TCEA2: variants seen among roughly 807,000 people sequenced by gnomAD.
The protein encoded by TCEA2 is transcription elongation factor A2, also known as transcription elongation factor A protein 2.
A neutral mutation model predicts 40.8 loss-of-function variants in TCEA2; 21 were observed. The ratio of observed to expected loss-of-function variants is 0.51; its 90% CI spans 0.36 to 0.74. TCEA2 has a LOEUF of 0.74. TCEA2 is among the 30% of genes least tolerant of loss of function. The probability of loss-of-function intolerance (pLI) is 0.00; values close to 1 mark genes in which losing one functional copy is unlikely to be tolerated. For synonymous variants in TCEA2, 165 were observed against 162.7 expected (o/e 1.01, Z -0.11); for missense variants, 326 against 426.5 (o/e 0.76, Z 2.08).
chr20:64,066,322 G>C (rs926523544), intron 1 of TCEA2, 154 bp from the exon 2 acceptor site: 8 of 801,312 alleles, frequency 1.0e-5, no homozygotes, highest in Non-Finnish European at 1.0e-5. Context: ...CAGAGCCCTG[G>C]GTGTCTCCAG....
Position 64,071,934 on chromosome 20 carries a change from G to C in TCEA2, c.884G>C (p.Arg295Pro). 1 of 1,614,132 alleles carries C rather than the reference G, an allele frequency of 6.2e-7. No individual in the cohort carries two copies. Among genetic ancestry groups the C allele is most frequent in the Non-Finnish European group, 8.5e-7 (1 of 1,180,034 alleles). The change falls in exon 9 of 10, where the codon CGC (arginine) becomes CCC (proline). Residue 295 changes from arginine to proline, a missense_variant. By Grantham distance (103) the Arg-to-Pro change is moderately radical (BLOSUM62 -2). Transcript: ENST00000343484. ...TFVVCNECGN[R>P]WKFC is the part of the protein sequence containing the mutation. ...GTTGTCTGCAACGAGTGTGGAAACC[G>C]CTGGAAGGTGGGTGAGCAGGCTCAG...
intron 1 of TCEA2, 111 bp downstream of exon 1, chr20:64,063,495 C>G (rs2059615610): frequency 2.4e-6 from 3 of 1,263,824 alleles, no homozygotes; most frequent in African/African-American, 3.0e-5. Flanking sequence ...GGACGAGACC[C>G]CTCCCCGGCA....
chr20:64,071,799 C>T (rs2059844347), intron 8 of TCEA2, 71 bp from the exon 9 acceptor site: 3 of 1,575,228 alleles, frequency 1.9e-6, no homozygotes, highest in East Asian at 2.3e-5. Flanking sequence ...GCCCGCACTG[C>T]CCATGTTGAG....
exon 1 of TCEA2, chr20:64,057,440 G>C (rs962227539): frequency 1.3e-5 from 2 of 152,304 alleles, no homozygotes; most frequent in African/African-American, 2.4e-5. Context: ...GCGTGTGTGC[G>C]TGTGCATGTG....
At chr20:64,063,070 G>T, upstream of TCEA2, 2 of 262,834 alleles carry the variant, frequency 7.6e-6, no homozygotes, top group Non-Finnish European at 1.4e-5. Flanking sequence ...TGCGCGCCGC[G>T]TGGCGCCTGG....
chr20:64,063,866 CCT>C (rs2059625964), intron 1 of TCEA2: 1 of 160,816 alleles, frequency 6.2e-6, no homozygotes, highest in Non-Finnish European at 1.4e-5. Context: ...CCAACTCAGC[CCT>C]CTCCCACGCT....
chr20:64,063,254 G>C lies in TCEA2; in HGVS notation c.-59G>C. On this transcript the variant is annotated 5_prime_UTR_variant, in exon 1 of 10. Transcript: ENST00000343484. ...GGGAGGTGGCGACGGCCGGGGCCGG[G>C]GTCCTGCCCGGCTGCGGAGGCGGGC... The C allele has an allele frequency of 1.4e-6, 2 of 1,446,862 alleles. No individual in the cohort carries two copies. The highest frequency in any genetic ancestry group is 1.8e-6 in the Non-Finnish European group (2 of 1,096,970). 89.6% of individuals were successfully genotyped at this position (1,446,862 alleles called of 1,614,324 possible). A position where few individuals can be genotyped will look rare whatever the true frequency, so the allele number is the denominator to read the frequency against.
chr20:64,061,507 C>T (rs1457695092), upstream of TCEA2, among the ~76,000 whole-genome samples: 1 of 151,988 alleles, frequency 6.6e-6, no homozygotes, highest in Non-Finnish European at 1.5e-5. Context: ...GATCTCCTGA[C>T]CTCGTGATCC....
upstream of TCEA2, among the ~76,000 whole-genome samples, chr20:64,059,852 A>T (rs2059529134): frequency 6.6e-6 from 1 of 152,050 alleles, no homozygotes; most frequent in African/African-American, 2.4e-5. Context: ...CTGGGTCTCT[A>T]GTCTGGTTTT....
chr20:64,061,029 G>A (rs2059552817), upstream of TCEA2, among the ~76,000 whole-genome samples: 1 of 149,090 alleles, frequency 6.7e-6, no homozygotes, highest in Admixed American at 6.7e-5. Flanking sequence ...TCAAACTCCT[G>A]AGCTCAGGCA....
At position 64,072,288 on chromosome 20, in the gene TCEA2, C is replaced by T; in HGVS notation, c.*108C>T. The T allele has an allele frequency of 7.9e-7, 1 of 1,261,654 alleles. No homozygotes were observed. 78.2% of individuals were successfully genotyped at this position (1,261,654 alleles called of 1,614,324 possible). A position where few individuals can be genotyped will look rare whatever the true frequency, so the allele number is the denominator to read the frequency against. On this transcript the variant is annotated 3_prime_UTR_variant, in exon 10 of 10. Transcript: ENST00000343484. ...GGCGGCATGTCCTGCCCTCAACCTG[C>T]CTGCCTGGATTGCACCTTTCTGCCC... is the stretch of plus-strand genomic sequence containing the variant.
At chr20:64,071,712 G>A (rs1334888950) in intron 8 of TCEA2, 158 bp from the exon 9 acceptor site, 4 of 743,798 alleles carry the variant, frequency 5.4e-6, no homozygotes, top group Admixed American at 2.9e-5. Context: ...TCCCTCCCCC[G>A]GAGGCTCAGC....
intron 2 of TCEA2, 41 bp from the exon 3 acceptor site, chr20:64,066,874 T>G: frequency 6.3e-7 from 1 of 1,586,912 alleles, no homozygotes; most frequent in Non-Finnish European, 8.6e-7. Flanking sequence ...ACCCCTAGGG[T>G]GGGCCCCTGC....
intron 3 of TCEA2, 40 bp downstream of exon 3, chr20:64,067,060 G>T (rs748818917): frequency 6.4e-7 from 1 of 1,563,450 alleles, no homozygotes; most frequent in South Asian, 1.2e-5. Context: ...TGGGGCAGGG[G>T]TCCCAGAAGT....
rs1259615636 is a variant in TCEA2 at position 64,069,478 on chromosome 20, C to T, written c.447C>T (p.Ala149=). The stretch of plus-strand genomic sequence containing the variant: ...AGTGCCGCGAGATGCTGACCGCTGC[C>T]CTGCAGACGGACCGTGAGTGCGGCC... ...RNKCREMLTA[A]LQTDHDHVAI... Residue 149 remains alanine (A), a synonymous_variant, in exon 5 of 10, where the codon GCC becomes GCT. Coordinates refer to ENST00000343484, the MANE Select transcript of TCEA2 (RefSeq NM_003195.6). 1 of 1,613,066 alleles carries T rather than the reference C, an allele frequency of 6.2e-7. No individual in the cohort carries two copies. The highest frequency in any genetic ancestry group is 1.7e-5 in the Admixed American group (1 of 60,004).
At position 64,069,583 on chromosome 20, in the gene TCEA2, G is replaced by T; in HGVS notation, c.460+92G>T. ...GCCCGCAGAGGCCTGCTTCCAGCGGGGTGACTGTCCTCCCCCAGCCCATTG... is the reference window on the plus strand; with the variant it reads ...GCCCGCAGAGGCCTGCTTCCAGCGGTGTGACTGTCCTCCCCCAGCCCATTG... On this transcript the variant is annotated intron_variant, in intron 5 of 9. Coordinates refer to ENST00000343484, the MANE Select transcript of TCEA2 (RefSeq NM_003195.6). 1.9e-6 allele frequency: 3 copies of T among 1,559,768 alleles called. No individual in the cohort carries two copies. The South Asian group carries it at 3.6e-5, about 19-fold the overall frequency.
intron 4 of TCEA2, 57 bp downstream of exon 4, chr20:64,068,191 C>A: frequency 6.8e-7 from 1 of 1,472,752 alleles, no homozygotes; most frequent in Non-Finnish European, 9.3e-7. Flanking sequence ...GTTTCCTTGC[C>A]AGAGAAAGGG....
chr20:64,069,804 C>T lies in TCEA2; in HGVS notation c.500C>T (p.Ser167Leu), dbSNP rs2059785798. 16 of 1,613,894 alleles carry T rather than the reference C, an allele frequency of 9.9e-6. No individual in the cohort carries two copies. The highest frequency in any genetic ancestry group is 1.3e-5 in the African/African-American group (1 of 75,056). ...ATCGGTGCGGACTGCGAGCGCCTGT[C>T]GGCTCAGATCGAGGAATATATCCTT... ...VAIGADCERL[S>L]AQIEECIFRD... The change falls in exon 6 of 10, where the codon TCG (serine) becomes TTG (leucine). Residue 167 changes from serine (S) to leucine (L), a missense_variant. By Grantham distance (145) the Ser-to-Leu change is moderately radical. Coordinates refer to ENST00000343484, the MANE Select transcript of TCEA2 (RefSeq NM_003195.6).
At chr20:64,063,102 G>C (rs990064918), upstream of TCEA2, 4 of 295,126 alleles carry the variant, frequency 1.4e-5, no homozygotes, top group Non-Finnish European at 2.4e-5. Flanking sequence ...CAGAGCGCGG[G>C]CGCGGCGGGC....
Sources: gnomAD v4.1 joint callset for allele counts (sites outside exome capture counted in the v4.1 genomes callset) on GRCh38, gnomAD v4.1.1 for gene constraint, MANE v1.5 for transcripts, NCBI Gene and HGNC (gene_info 2026-07-23, HGNC 2026-07-21) for gene names.